The following SCAPER variants were observed in gnomAD, a reference collection of about 807,000 sequenced individuals.
SCAPER encodes the protein S phase cyclin A-associated protein in the endoplasmic reticulum.
A neutral mutation model predicts 182.2 loss-of-function variants in SCAPER; 98 were observed. The observed-to-expected ratio is 0.54, with a 90% CI of 0.46 to 0.64. SCAPER has a LOEUF of 0.64. SCAPER is among the 30% of genes least tolerant of loss of function. SCAPER has a pLI of 0.00. For missense variants in SCAPER, 1,432 were observed against 1,690.0 expected (o/e 0.85, Z 2.68); for synonymous variants, 605 against 564.6 (o/e 1.07, Z -1.01).
intron 23 of SCAPER, among the ~76,000 whole-genome samples, chr15:76,507,962 A>G (rs2041733755): frequency 6.6e-6 from 1 of 152,202 alleles, no homozygotes; most frequent in Non-Finnish European, 1.5e-5. Context: ...AAAGTGCACT[A>G]ATCGTAATTG....
intron 23 of SCAPER, among the ~76,000 whole-genome samples, chr15:76,559,030 A>C (rs1156726774): frequency 6.6e-6 from 1 of 151,316 alleles, no homozygotes; most frequent in Admixed American, 6.6e-5. Flanking sequence ...GTGAGTTCTC[A>C]TGAGATCTGG....
At chr15:76,732,716 G>A (rs1024726634) in intron 16 of SCAPER, among the ~76,000 whole-genome samples, 5 of 152,128 alleles carry the variant, frequency 3.3e-5, no homozygotes, top group Admixed American at 1.3e-4. Flanking sequence ...AGGCCTAACC[G>A]TCTCCCTGTG....
chr15:76,830,597 C>T lies in SCAPER; in HGVS notation c.393+11137G>A, dbSNP rs374612811. ...GTGAGGTGAGGGGAGGAACAAAGGA[C>T]GTCTCCCAGGTCTCAAGCACAAACA... On this transcript the variant is annotated intron_variant, in intron 5 of 31. Coordinates refer to ENST00000563290, the MANE Select transcript of SCAPER (RefSeq NM_020843.4). 2.3e-3 allele frequency among the ~76,000 whole-genome samples: 346 copies of T among 151,990 alleles called. 18 individuals are homozygous for T. In the South Asian group the frequency reaches 0.065, roughly 29 times the overall value.
chr15:76,450,417 C>T (rs1327579605), intron 25 of SCAPER, among the ~76,000 whole-genome samples: 1 of 152,188 alleles, frequency 6.6e-6, no homozygotes, highest in Non-Finnish European at 1.5e-5. Flanking sequence ...AATTCAGTTA[C>T]TGTCTTTACA....
chr15:76,492,150 GA>G (rs1257349875), intron 24 of SCAPER, among the ~76,000 whole-genome samples: 4 of 152,058 alleles, frequency 2.6e-5, no homozygotes, highest in Non-Finnish European at 5.9e-5. Context: ...CTGATTGATG[GA>G]ATTAATGAAT....
At chr15:76,383,120 C>CACT (rs2043075975) in intron 27 of SCAPER, among the ~76,000 whole-genome samples, 2 of 114,436 alleles carry the variant, frequency 1.7e-5, no homozygotes, top group African/African-American at 3.2e-5. Flanking sequence ...ACACACACAC[C>CACT]TACACACACA....
Position 76,376,317 on chromosome 15 carries a change from A to G in SCAPER, c.3706-6T>C. ...CCCTCTGCCCCTACAATAGACTGAC[A>G]AAGACAAGGAGCAGTTAGAAGCCCT... On this transcript the variant is annotated splice_region_variant and splice_polypyrimidine_tract_variant and intron_variant, in intron 28 of 31. Transcript: ENST00000563290. The G allele has an allele frequency of 1.9e-6, 3 of 1,608,420 alleles. No homozygotes were observed. The highest frequency in any genetic ancestry group is 1.7e-6 in the Non-Finnish European group (2 of 1,176,930).
At chr15:76,837,582 T>A (rs1394359033) in intron 5 of SCAPER, among the ~76,000 whole-genome samples, 1 of 152,190 alleles carries the variant, frequency 6.6e-6, no homozygotes, top group Non-Finnish European at 1.5e-5. Context: ...CCACGATATG[T>A]GGAGATTATG....
intron 2 of SCAPER, among the ~76,000 whole-genome samples, chr15:76,883,006 C>T (rs577961939): frequency 9.9e-5 from 15 of 152,246 alleles, no homozygotes; most frequent in African/African-American, 2.9e-4. Flanking sequence ...CTGCCCTGAG[C>T]GCCACACTTC....
At chr15:76,774,824 A>G (rs763216465) in intron 9 of SCAPER, 31 bp downstream of exon 9, 4 of 1,579,700 alleles carry the variant, frequency 2.5e-6, no homozygotes, top group Middle Eastern at 1.7e-4. Flanking sequence ...CCTTTGAAAA[A>G]GACAGTAAAA....
At chr15:76,717,662 C>T (rs1030269801) in intron 17 of SCAPER, among the ~76,000 whole-genome samples, 3 of 151,716 alleles carry the variant, frequency 2.0e-5, no homozygotes, top group Admixed American at 6.6e-5. Flanking sequence ...TCATAGTAAC[C>T]ACAAAACAAA....
chr15:76,527,789 G>C (rs1199873381), intron 23 of SCAPER, among the ~76,000 whole-genome samples: 2 of 152,086 alleles, frequency 1.3e-5, no homozygotes, highest in African/African-American at 2.4e-5. Flanking sequence ...AGAAATCCCA[G>C]TTTTGTTTTT....
At chr15:76,580,162 G>C (rs138890278) in intron 22 of SCAPER, among the ~76,000 whole-genome samples, 14 of 152,140 alleles carry the variant, frequency 9.2e-5, no homozygotes, top group Admixed American at 1.3e-4. Flanking sequence ...CTACACCATA[G>C]ACTAAATGAA....
chr15:76,526,638 T>G (rs1399033370), intron 23 of SCAPER, among the ~76,000 whole-genome samples: 1 of 152,162 alleles, frequency 6.6e-6, no homozygotes, highest in Admixed American at 6.5e-5. Context: ...GTCCTTAATA[T>G]TAATACTATG....
At chr15:76,578,667 A>C (rs1173982631) in intron 22 of SCAPER, among the ~76,000 whole-genome samples, 1 of 152,232 alleles carries the variant, frequency 6.6e-6, no homozygotes, top group Non-Finnish European at 1.5e-5. Context: ...GGTTCCCCCA[A>C]ATGCAGATAT....
intron 1 of SCAPER, among the ~76,000 whole-genome samples, chr15:76,887,561 G>A (rs1304205052): frequency 6.6e-6 from 1 of 152,188 alleles, no homozygotes; most frequent in African/African-American, 2.4e-5. Flanking sequence ...TAGTGTAGCA[G>A]TCTAAGATCA....
At chr15:76,703,541 G>A (rs1467386255) in intron 18 of SCAPER, among the ~76,000 whole-genome samples, 1 of 152,038 alleles carries the variant, frequency 6.6e-6, no homozygotes, top group Non-Finnish European at 1.5e-5. Context: ...GGGAAAAAAC[G>A]CTATTTCAGA....
intron 23 of SCAPER, among the ~76,000 whole-genome samples, chr15:76,543,317 G>A (rs1306457826): frequency 6.6e-6 from 1 of 152,112 alleles, no homozygotes; most frequent in East Asian, 1.9e-4. Context: ...TACAGTTTAG[G>A]AAATTGGTTG....
intron 7 of SCAPER, 106 bp from the exon 8 acceptor site, chr15:76,795,546 T>C: frequency 1.3e-6 from 1 of 778,550 alleles, no homozygotes; most frequent in Non-Finnish European, 1.8e-6. Flanking sequence ...AATATCCACA[T>C]ATATAGAATA....
Sources: gnomAD v4.1 joint callset for allele counts (sites outside exome capture counted in the v4.1 genomes callset) on GRCh38, gnomAD v4.1.1 for gene constraint, MANE v1.5 for transcripts, NCBI Gene and HGNC (gene_info 2026-07-23, HGNC 2026-07-21) for gene names.